DSCAM: variants seen among roughly 807,000 people sequenced by gnomAD.
DSCAM encodes cell adhesion molecule DSCAM.
In DSCAM, 47 loss-of-function variants were observed where a neutral mutation model predicts 217.7. That is an observed-to-expected ratio of 0.22 (90% CI 0.17 to 0.28). DSCAM has a LOEUF of 0.28. Among genes scored for constraint, DSCAM ranks in the 10% least tolerant of loss-of-function variants. The probability of loss-of-function intolerance (pLI) is 1.00; values close to 1 mark genes in which losing one functional copy is unlikely to be tolerated. For missense variants in DSCAM, 2,080 were observed against 2,618.3 expected, an observed-to-expected ratio of 0.79 and a Z score of 4.49; for synonymous variants, 1,056 against 1,015.3, an observed-to-expected ratio of 1.04 and a Z score of -0.76.
chr21:40,731,916 A>G (rs556661438), intron 1 of DSCAM, among the ~76,000 whole-genome samples: 4 of 152,154 alleles, frequency 2.6e-5, no homozygotes, highest in Admixed American at 2.6e-4. Flanking sequence ...TAGTAGAGAC[A>G]GGGTTTTATC....
rs557716956 is a variant in DSCAM, at chr21:40,646,948, C to T, written c.508+45862G>A. ...CTCTTCTAAAGTTTCGCTTTGCTCT[C>T]TGCCATCACTCTATACTTTCTTGCC... On this transcript the variant is annotated intron_variant, in intron 3 of 32. Transcript: ENST00000400454. 1.3e-3 allele frequency among the ~76,000 whole-genome samples: 205 copies of T among 152,372 alleles called. 3 individuals carry two copies. Among genetic ancestry groups the T allele is most frequent in the African/African-American group, 4.3e-3 (177 of 41,592 alleles).
chr21:40,512,010 A>AAAAAAAAAAAGT (rs61560593), intron 3 of DSCAM, among the ~76,000 whole-genome samples: 1 of 106,368 alleles, frequency 9.4e-6, no homozygotes, highest in Non-Finnish European at 1.8e-5. Flanking sequence ...AAAAAAAAAA[A>AAAAAAAAAAAGT]GTATTCTATT....
chr21:40,255,754 G>A (rs1375311187), intron 11 of DSCAM, among the ~76,000 whole-genome samples: 1 of 152,202 alleles, frequency 6.6e-6, no homozygotes, highest in East Asian at 1.9e-4. Context: ...TTATATGCAA[G>A]GAATAGAATG....
chr21:40,750,183 C>T (rs928247367), intron 1 of DSCAM, among the ~76,000 whole-genome samples: 2 of 152,132 alleles, frequency 1.3e-5, no homozygotes, highest in East Asian at 1.9e-4. Context: ...CCATCTCAGC[C>T]TCCCAATGTG....
At chr21:40,211,110 A>G (rs1461302938) in intron 11 of DSCAM, among the ~76,000 whole-genome samples, 1 of 152,222 alleles carries the variant, frequency 6.6e-6, no homozygotes. Flanking sequence ...AGAATGCTTT[A>G]TAAAGATAAC....
intron 3 of DSCAM, among the ~76,000 whole-genome samples, chr21:40,620,206 AG>A (rs2089477196): frequency 7.3e-6 from 1 of 137,358 alleles, no homozygotes; most frequent in Non-Finnish European, 1.6e-5. Flanking sequence ...AAAGAAAGAG[AG>A]AAAGAGAGAG....
intron 11 of DSCAM, among the ~76,000 whole-genome samples, chr21:40,233,538 C>T (rs770187192): frequency 5.9e-5 from 9 of 152,124 alleles, no homozygotes; most frequent in Non-Finnish European, 1.2e-4. Flanking sequence ...AGTGGAAACA[C>T]ATTACGTATG....
intron 3 of DSCAM, among the ~76,000 whole-genome samples, chr21:40,589,445 A>AGCG (rs1468893683): frequency 6.6e-6 from 1 of 152,064 alleles, no homozygotes; most frequent in Non-Finnish European, 1.5e-5. Context: ...GTGTGGTGGC[A>AGCG]TGTGCCTGTA....
chr21:40,304,859 T>A (rs2205095), intron 9 of DSCAM, among the ~76,000 whole-genome samples: 24,068 of 152,126 alleles, frequency 0.16, 3,298 homozygotes, highest in East Asian at 0.36. Flanking sequence ...ATATGGCTAC[T>A]GAACAATTAT....
intron 3 of DSCAM, among the ~76,000 whole-genome samples, chr21:40,534,184 T>C (rs1490820548): frequency 2.0e-5 from 3 of 152,214 alleles, no homozygotes; most frequent in Non-Finnish European, 4.4e-5. Context: ...AATTTTTTTA[T>C]GAAAATTGAC....
chr21:40,238,953 GA>G (rs960230946), intron 11 of DSCAM, among the ~76,000 whole-genome samples: 1 of 152,066 alleles, frequency 6.6e-6, no homozygotes, highest in Admixed American at 6.5e-5. Context: ...ATGCCACTCT[GA>G]AAAAAAGTAG....
chr21:40,443,100 T>G (rs1443341695), intron 3 of DSCAM, among the ~76,000 whole-genome samples: 3 of 152,236 alleles, frequency 2.0e-5, no homozygotes, highest in Non-Finnish European at 4.4e-5. Flanking sequence ...GTGGATCATA[T>G]CGTGTTGATA....
chr21:40,781,554 C>T, intron 1 of DSCAM, among the ~76,000 whole-genome samples: 1 of 152,010 alleles, frequency 6.6e-6, no homozygotes, highest in East Asian at 1.9e-4. Flanking sequence ...AGTATACAAC[C>T]TTTTTTTATA....
intron 3 of DSCAM, among the ~76,000 whole-genome samples, chr21:40,583,844 C>T (rs1294860185): frequency 6.6e-6 from 1 of 151,044 alleles, no homozygotes; most frequent in Non-Finnish European, 1.5e-5. Context: ...GTACAGGAAA[C>T]CTCTGTACCT....
At chr21:40,146,532 C>T (rs1443347013) in intron 16 of DSCAM, among the ~76,000 whole-genome samples, 1 of 152,268 alleles carries the variant, frequency 6.6e-6, no homozygotes, top group Admixed American at 6.5e-5. Flanking sequence ...ATGCCTCAGC[C>T]TGTCATTAGT....
chr21:40,749,199 A>T (rs930078468), intron 1 of DSCAM, among the ~76,000 whole-genome samples: 6 of 152,196 alleles, frequency 3.9e-5, no homozygotes, highest in Admixed American at 3.9e-4. Flanking sequence ...AAGCACAGAC[A>T]ACAAGAGCAA....
intron 10 of DSCAM, among the ~76,000 whole-genome samples, chr21:40,282,375 CAGG>C (rs2073772594): frequency 6.6e-6 from 1 of 151,734 alleles, no homozygotes; most frequent in African/African-American, 2.4e-5. Flanking sequence ...ATCACGAGGT[CAGG>C]AGGTCGAGAC....
intron 1 of DSCAM, among the ~76,000 whole-genome samples, chr21:40,841,768 C>T (rs564377353): frequency 1.3e-5 from 2 of 152,360 alleles, no homozygotes; most frequent in African/African-American, 4.8e-5. Context: ...CCGGGGTTCC[C>T]TCGCGGCTTT....
At chr21:40,782,484 T>C (rs1167302815) in intron 1 of DSCAM, among the ~76,000 whole-genome samples, 1 of 152,308 alleles carries the variant, frequency 6.6e-6, no homozygotes, top group East Asian at 1.9e-4. Flanking sequence ...TCCCAGCATG[T>C]TGGGAGGCCG....
Sources: gnomAD v4.1 joint callset for allele counts (sites outside exome capture counted in the v4.1 genomes callset) on GRCh38, gnomAD v4.1.1 for gene constraint, MANE v1.5 for transcripts, NCBI Gene and HGNC (gene_info 2026-07-23, HGNC 2026-07-21) for gene names.